The following ARID1B variants were observed in gnomAD, a reference collection of about 807,000 sequenced individuals.
The protein encoded by ARID1B is AT-rich interactive domain-containing protein 1B.
In ARID1B, 30 loss-of-function variants were observed where a neutral mutation model predicts 212.3. That is an observed-to-expected ratio of 0.14 (90% CI 0.11 to 0.19). The LOEUF (loss-of-function observed/expected upper bound fraction) is 0.19, where lower values mean the gene tolerates loss of function less well. Ranked by LOEUF, ARID1B falls within the 10% of genes least tolerant of loss-of-function variation. The pLI is 1.00. For missense variants in ARID1B, 2,891 were observed against 3,204.0 expected (o/e 0.90, Z 2.36); for synonymous variants, 1,402 against 1,301.7 (o/e 1.08, Z -1.66).
chr6:157,207,754 A>G lies in ARID1B; in HGVS notation c.6982A>G (p.Met2328Val). 1 of 1,584,864 alleles carries G rather than the reference A, an allele frequency of 6.3e-7. No individual in the cohort carries two copies. Among genetic ancestry groups the G allele is most frequent in the Non-Finnish European group, 8.6e-7 (1 of 1,159,888 alleles). ...CAGGGCGGCCAAGGCTTTGCTAGCC[A>G]TGGCCAGAGTGGACGAAAACCGCTC... ...MCRAAKALLAMARVDENRSEF... is the reference protein window; with the variant it reads ...MCRAAKALLAVARVDENRSEF... The change falls in exon 20 of 20, where the codon ATG (methionine) becomes GTG (valine). Residue 2328 changes from methionine (M) to valine (V), a missense_variant. Physicochemically the swap from Met to Val is conservative, Grantham distance 21 (BLOSUM62 1). Coordinates refer to ENST00000636930, the MANE Select transcript of ARID1B (RefSeq NM_001374828.1). The surrounding 1 kb of genome is among the most constrained non-coding windows in gnomAD (Gnocchi z 8.5).
chr6:156,855,332 AG>A (rs1347090611), intron 2 of ARID1B, among the ~76,000 whole-genome samples: 1 of 152,236 alleles, frequency 6.6e-6, no homozygotes, highest in African/African-American at 2.4e-5. Flanking sequence ...CACTGAGAGT[AG>A]ACTTCAGCTA....
chr6:157,016,340 G>A (rs1336524909), intron 4 of ARID1B, among the ~76,000 whole-genome samples: 1 of 152,014 alleles, frequency 6.6e-6, no homozygotes, highest in East Asian at 1.9e-4. Context: ...ATCTAGATTT[G>A]TCCAGTGTGG....
rs1780593593 is a variant in ARID1B, at chr6:157,025,379, A to G, written c.2248-59283A>G. 2.0e-5 allele frequency among the ~76,000 whole-genome samples: 3 copies of G among 152,258 alleles called. No homozygotes were observed. In the South Asian group the frequency reaches 6.2e-4, roughly 31 times the overall value. ...ATTACTATGTTGAGAAATGCATAAC[A>G]ATGATGTGTAAGGCAGAACAGTATT... is the stretch of plus-strand genomic sequence containing the variant. On this transcript the variant is annotated intron_variant, in intron 4 of 19. Coordinates refer to ENST00000636930, the MANE Select transcript of ARID1B (RefSeq NM_001374828.1).
intron 1 of ARID1B, among the ~76,000 whole-genome samples, chr6:156,812,004 ACTT>A (rs975488239): frequency 1.3e-5 from 2 of 152,220 alleles, no homozygotes; most frequent in African/African-American, 4.8e-5. Flanking sequence ...AACATTAACT[ACTT>A]TGCAGGATTT....
intron 4 of ARID1B, among the ~76,000 whole-genome samples, chr6:157,061,244 A>G (rs1402884951): frequency 6.6e-6 from 1 of 152,208 alleles, no homozygotes; most frequent in East Asian, 1.9e-4. Context: ...ATTTGAATTT[A>G]CATTTGTTAG....
At chr6:157,172,259 A>C (rs533755977) in intron 9 of ARID1B, among the ~76,000 whole-genome samples, 1 of 152,330 alleles carries the variant, frequency 6.6e-6, no homozygotes, top group East Asian at 1.9e-4. Context: ...TGCTTTGAAC[A>C]AGGCGGTCTT....
chr6:157,038,577 T>G (rs1236853568), intron 4 of ARID1B, among the ~76,000 whole-genome samples: 52 of 152,190 alleles, frequency 3.4e-4, no homozygotes, highest in Non-Finnish European at 1.2e-4. Flanking sequence ...AATAAATTTT[T>G]TATGTTTCTG....
chr6:156,897,199 TGCTGCTGCTGCTG>T, intron 2 of ARID1B, among the ~76,000 whole-genome samples: 1 of 71,054 alleles, frequency 1.4e-5, no homozygotes, highest in African/African-American at 5.7e-5. Flanking sequence ...CTACTGCTGC[TGCTGCTGCTGCTG>T]CTGCTGCTTC....
At chr6:157,079,199 A>G (rs1784484630) in intron 4 of ARID1B, among the ~76,000 whole-genome samples, 1 of 152,106 alleles carries the variant, frequency 6.6e-6, no homozygotes, top group Non-Finnish European at 1.5e-5. Context: ...TTTTTTTTCC[A>G]GGGATTCTGT....
At chr6:156,948,249 A>G (rs143954055) in intron 4 of ARID1B, among the ~76,000 whole-genome samples, 26 of 152,304 alleles carry the variant, frequency 1.7e-4, no homozygotes, top group African/African-American at 5.8e-4. Flanking sequence ...TGTTTTTGAG[A>G]CAGAGTCTTG....
intron 2 of ARID1B, among the ~76,000 whole-genome samples, chr6:156,834,256 T>C (rs1273744541): frequency 1.3e-5 from 2 of 152,184 alleles, no homozygotes; most frequent in African/African-American, 4.8e-5. Context: ...GGGCTTAATT[T>C]TTGTTTTATT....
At chr6:157,187,717 GT>G (rs747472982) in intron 13 of ARID1B, among the ~76,000 whole-genome samples, 38 of 150,544 alleles carry the variant, frequency 2.5e-4, no homozygotes, top group Non-Finnish European at 4.9e-4. Context: ...TATTAATGGA[GT>G]TACAAGAGGT....
intron 1 of ARID1B, among the ~76,000 whole-genome samples, chr6:156,805,451 C>T (rs954569258): frequency 6.6e-6 from 1 of 152,206 alleles, no homozygotes; most frequent in South Asian, 2.1e-4. Flanking sequence ...AGGATGTTGT[C>T]CGAGTGTCAG....
At chr6:157,139,949 C>A (rs984681485) in intron 7 of ARID1B, among the ~76,000 whole-genome samples, 1 of 151,776 alleles carries the variant, frequency 6.6e-6, no homozygotes, top group African/African-American at 2.4e-5. Context: ...GCCTCAAATT[C>A]CTGACCTCAA....
In ARID1B at chr6:156,778,268, C is replaced by CCAGCAGCAGCAGCAGCAG. The variant is rs587779743; in HGVS notation, c.594_611dup (p.Gln209_Gln214dup). Reference sequence around the variant, plus strand: ...CACTACAGCAGCAGCTAAACCAGTTCCAGCAGCAGCAGCAGCAGCAGCAAC... The same window carrying CCAGCAGCAGCAGCAGCAG: ...CACTACAGCAGCAGCTAAACCAGTTCCAGCAGCAGCAGCAGCAGCAGCAGCAGCAGCAGCAGCAGCAAC... On this transcript the variant is annotated inframe_insertion, in exon 1 of 20. Transcript: ENST00000636930. The CCAGCAGCAGCAGCAGCAG allele has an allele frequency of 5.2e-6, 8 of 1,536,710 alleles. No individual in the cohort carries two copies. Among genetic ancestry groups the CCAGCAGCAGCAGCAGCAG allele is most frequent in the African/African-American group, 2.8e-5 (2 of 72,544 alleles).
At chr6:157,070,776 G>A (rs1040380442) in intron 4 of ARID1B, among the ~76,000 whole-genome samples, 8 of 152,224 alleles carry the variant, frequency 5.3e-5, no homozygotes, top group Non-Finnish European at 1.2e-4. Flanking sequence ...AATTTTTGAG[G>A]AGGAACTCTT....
At chr6:157,021,104 G>C (rs553152286) in intron 4 of ARID1B, among the ~76,000 whole-genome samples, 4 of 150,776 alleles carry the variant, frequency 2.7e-5, no homozygotes, top group African/African-American at 9.7e-5. Flanking sequence ...CTCTTGGTCA[G>C]GGCCCGCTTG....
intron 4 of ARID1B, among the ~76,000 whole-genome samples, chr6:156,982,203 A>C (rs1214732948): frequency 6.6e-6 from 1 of 152,174 alleles, no homozygotes; most frequent in East Asian, 1.9e-4. Flanking sequence ...CCTCATATTT[A>C]AATTGATTGA....
chr6:156,971,261 G>A (rs1204531772), intron 4 of ARID1B, among the ~76,000 whole-genome samples: 3 of 152,288 alleles, frequency 2.0e-5, no homozygotes, highest in East Asian at 1.9e-4. Flanking sequence ...AAATGAGCCT[G>A]CTTTCCTTAT....
Sources: allele counts gnomAD v4.1 joint callset (sites outside exome capture counted in the v4.1 genomes callset), GRCh38; gene constraint gnomAD v4.1.1; non-coding constraint Gnocchi (gnomAD v3.1); transcripts MANE v1.5; gene names NCBI Gene and HGNC (gene_info 2026-07-23, HGNC 2026-07-21).